The following FAT3 variants were observed in gnomAD, a reference collection of about 807,000 sequenced individuals.
The protein encoded by FAT3 is FAT atypical cadherin 3, also known as protocadherin Fat 3.
A neutral mutation model predicts 310.2 loss-of-function variants in FAT3; 95 were observed. That is an observed-to-expected ratio of 0.31 (90% CI 0.26 to 0.36). The LOEUF is 0.36. FAT3 is among the 10% of genes least tolerant of loss of function. FAT3 has a pLI of 1.00. For missense variants in FAT3, 5,408 were observed against 5,715.6 expected (o/e 0.95, Z 1.74); for synonymous variants, 2,314 against 2,192.9 (o/e 1.06, Z -1.54).
rs1949061117 is a variant in FAT3 at position 92,367,612 on chromosome 11, CAG to C, written c.3292+12211_3292+12212del. 3.3e-5 allele frequency among the ~76,000 whole-genome samples: 5 copies of C among 152,136 alleles called. No homozygotes were observed. In the South Asian group the frequency reaches 1.0e-3, roughly 32 times the overall value. ...TGCCACTACAATCCAGCTTGGATGA[CAG>C]AGTGAGACCTTGCCTCCAAAAAAAC... On this transcript the variant is annotated intron_variant, in intron 2 of 27. Coordinates refer to ENST00000525166, the MANE Select transcript of FAT3 (RefSeq NM_001367949.2).
intron 3 of FAT3, among the ~76,000 whole-genome samples, chr11:92,594,749 G>T (rs1295356301): frequency 6.6e-6 from 1 of 152,046 alleles, no homozygotes; most frequent in African/African-American, 2.4e-5. Flanking sequence ...CTGCCTATAT[G>T]TTTTGCAGTA....
chr11:92,567,736 G>A (rs1167072175), intron 3 of FAT3, among the ~76,000 whole-genome samples: 1 of 152,088 alleles, frequency 6.6e-6, no homozygotes, highest in South Asian at 2.1e-4. Context: ...GTTCTTTGTA[G>A]GGACATGGAT....
intron 2 of FAT3, among the ~76,000 whole-genome samples, chr11:92,457,482 T>G (rs982578892): frequency 6.6e-6 from 1 of 152,144 alleles, no homozygotes; most frequent in Admixed American, 6.6e-5. Context: ...GACTCATCTT[T>G]GTTGGCAGAA....
intron 2 of FAT3, among the ~76,000 whole-genome samples, chr11:92,414,495 A>C (rs1332766869): frequency 6.6e-6 from 1 of 152,190 alleles, no homozygotes; most frequent in Non-Finnish European, 1.5e-5. Context: ...AAATGTAGTT[A>C]CTTTTGTAAA....
intron 2 of FAT3, among the ~76,000 whole-genome samples, chr11:92,523,724 C>G (rs1359429673): frequency 6.6e-6 from 1 of 152,060 alleles, no homozygotes; most frequent in Non-Finnish European, 1.5e-5. Flanking sequence ...TACACTGAGC[C>G]CAGAGTTTTC....
chr11:92,347,549 C>G (rs181007152), intron 1 of FAT3, among the ~76,000 whole-genome samples: 50 of 152,166 alleles, frequency 3.3e-4, no homozygotes, highest in African/African-American at 1.2e-3. Context: ...GCATAGGTAC[C>G]CTACAGAGCC....
intron 1 of FAT3, among the ~76,000 whole-genome samples, chr11:92,244,310 G>A (rs1341891652): frequency 2.6e-5 from 4 of 151,992 alleles, no homozygotes; most frequent in South Asian, 2.1e-4. Flanking sequence ...GCTAGATTGA[G>A]TACATAAAAA....
chr11:92,749,268 G>A (rs906740191), intron 4 of FAT3, among the ~76,000 whole-genome samples: 33 of 151,748 alleles, frequency 2.2e-4, no homozygotes, highest in African/African-American at 4.4e-4. Context: ...CTGCAATATC[G>A]AGTTAACACA....
chr11:92,356,728 G>T (rs953480305), intron 2 of FAT3, among the ~76,000 whole-genome samples: 3 of 152,100 alleles, frequency 2.0e-5, no homozygotes, highest in African/African-American at 4.8e-5. Flanking sequence ...TTCAGAGTAT[G>T]AATTTGTAGG....
chr11:92,766,075 G>A (rs1346329300), intron 6 of FAT3, among the ~76,000 whole-genome samples: 1 of 152,110 alleles, frequency 6.6e-6, no homozygotes, highest in Non-Finnish European at 1.5e-5. Context: ...AGAGGAAGCA[G>A]ATGGAAGCAT....
chr11:92,292,431 G>A (rs11824981), intron 1 of FAT3, among the ~76,000 whole-genome samples: 198 of 152,156 alleles, frequency 1.3e-3, no homozygotes, highest in African/African-American at 4.6e-3. Context: ...GGGATGGGAA[G>A]TGAGGTGAGA....
intron 1 of FAT3, among the ~76,000 whole-genome samples, chr11:92,235,913 T>C (rs1162262240): frequency 6.6e-6 from 1 of 152,172 alleles, no homozygotes; most frequent in Non-Finnish European, 1.5e-5. Flanking sequence ...ATGATAAGGG[T>C]GTTATGTACC....
intron 1 of FAT3, among the ~76,000 whole-genome samples, chr11:92,240,658 T>C (rs960709392): frequency 6.6e-6 from 1 of 151,832 alleles, no homozygotes; most frequent in Non-Finnish European, 1.5e-5. Context: ...CTATACAGCC[T>C]AAGGTTGTAA....
At chr11:92,703,422 G>T (rs993745275) in intron 4 of FAT3, among the ~76,000 whole-genome samples, 10 of 152,094 alleles carry the variant, frequency 6.6e-5, no homozygotes, top group Admixed American at 5.9e-4. Context: ...ATCTCTTTCT[G>T]CCACCTTCAG....
At chr11:92,371,585 C>T (rs890410947) in intron 2 of FAT3, among the ~76,000 whole-genome samples, 9 of 152,126 alleles carry the variant, frequency 5.9e-5, no homozygotes, top group Admixed American at 2.6e-4. Context: ...AGTGTGGTGG[C>T]GCACACCTGT....
At chr11:92,848,865 C>T (rs1002242035) in intron 19 of FAT3, among the ~76,000 whole-genome samples, 3 of 152,170 alleles carry the variant, frequency 2.0e-5, no homozygotes, top group Non-Finnish European at 1.5e-5. Context: ...TGAGCAAGGT[C>T]TGAAAGGATG....
chr11:92,881,800 C>A (rs1487751139), intron 23 of FAT3, among the ~76,000 whole-genome samples: 1 of 152,154 alleles, frequency 6.6e-6, no homozygotes, highest in Non-Finnish European at 1.5e-5. Context: ...TAATTATACT[C>A]AAAGTGAGTC....
intron 13 of FAT3, among the ~76,000 whole-genome samples, chr11:92,810,865 A>G (rs934501228): frequency 6.6e-6 from 1 of 152,240 alleles, no homozygotes; most frequent in Non-Finnish European, 1.5e-5. Context: ...TAAGAGCTGT[A>G]AATCAGAGTA....
intron 1 of FAT3, among the ~76,000 whole-genome samples, chr11:92,259,046 A>G (rs1336469952): frequency 6.6e-6 from 1 of 151,916 alleles, no homozygotes; most frequent in African/African-American, 2.4e-5. Flanking sequence ...TTGGGCAGGA[A>G]AGAGCTATGG....
Sources: gnomAD v4.1 joint callset for allele counts (sites outside exome capture counted in the v4.1 genomes callset) on GRCh38, gnomAD v4.1.1 for gene constraint, MANE v1.5 for transcripts, NCBI Gene and HGNC (gene_info 2026-07-23, HGNC 2026-07-21) for gene names.